The following HHAT variants were observed in gnomAD, a reference collection of about 807,000 sequenced individuals.
HHAT encodes the protein hedgehog acyltransferase.
In HHAT, 47 loss-of-function variants were observed where a neutral mutation model predicts 70.8. That is an observed-to-expected ratio of 0.66 (90% CI 0.53 to 0.85). The LOEUF is 0.85. HHAT is among the 40% of genes least tolerant of loss of function. HHAT has a pLI of 0.00. For synonymous variants in HHAT, 228 were observed against 247.6 expected (o/e 0.92, Z 0.74); for missense variants, 609 against 604.8 (o/e 1.01, Z -0.07).
At chr1:210,519,627 A>C (rs2095119791) in intron 9 of HHAT, among the ~76,000 whole-genome samples, 1 of 148,712 alleles carries the variant, frequency 6.7e-6, no homozygotes, top group Non-Finnish European at 1.5e-5. Flanking sequence ...TCCTGGACTC[A>C]AGCAATCCGC....
chr1:210,498,718 G>GC (rs748304410), intron 8 of HHAT, among the ~76,000 whole-genome samples: 6 of 151,886 alleles, frequency 4.0e-5, no homozygotes, highest in Non-Finnish European at 7.4e-5. Flanking sequence ...ATTATGAAAG[G>GC]CCAGGCACTC....
At chr1:210,405,255 G>A (rs74530460) in intron 6 of HHAT, among the ~76,000 whole-genome samples, 2,012 of 151,980 alleles carry the variant, frequency 0.013, 46 homozygotes, top group East Asian at 0.069. Context: ...TTCCTCGGAC[G>A]GCATCCTTGT....
intron 8 of HHAT, among the ~76,000 whole-genome samples, chr1:210,486,961 A>G (rs754557235): frequency 6.6e-6 from 1 of 152,198 alleles, no homozygotes; most frequent in Non-Finnish European, 1.5e-5. Flanking sequence ...AGGAGGGATA[A>G]TGAAGTCCCC....
In HHAT at chr1:210,386,534, G is replaced by A. The variant is rs374631725; in HGVS notation, c.160-934G>A. Among the ~76,000 whole-genome samples, 3 of 151,810 alleles carry A rather than the reference G, an allele frequency of 2.0e-5. No individual in the cohort carries two copies. The East Asian group carries it at 5.9e-4, about 30-fold the overall frequency. On this transcript the variant is annotated intron_variant, in intron 3 of 11. Coordinates refer to ENST00000261458, the MANE Select transcript of HHAT (RefSeq NM_018194.6). ...ATTACAGGCGTGAGCCACCGCGCCCGGCCTGCAGGAGTCCTTTTCCAGGCA... is the reference window on the plus strand; with the variant it reads ...ATTACAGGCGTGAGCCACCGCGCCCAGCCTGCAGGAGTCCTTTTCCAGGCA...
chr1:210,461,404 T>C lies in HHAT; in HGVS notation c.857-3101T>C, dbSNP rs150543743. On this transcript the variant is annotated intron_variant, in intron 7 of 11. Transcript: ENST00000261458. ...ATCTCTGCCTCCCAGGTTCAAGCGA[T>C]TCCCCTGCCTCAGCCTCCTGAGTAG... 1.6e-3 allele frequency among the ~76,000 whole-genome samples: 238 copies of C among 152,332 alleles called. 1 individual carries two copies. Among genetic ancestry groups the C allele is most frequent in the African/African-American group, 5.0e-3 (206 of 41,584 alleles).
intron 9 of HHAT, among the ~76,000 whole-genome samples, chr1:210,540,976 G>A (rs1033326991): frequency 2.0e-5 from 3 of 151,978 alleles, no homozygotes; most frequent in African/African-American, 7.3e-5. Context: ...GAGTAGCTGC[G>A]ACTACAGGCG....
intron 8 of HHAT, among the ~76,000 whole-genome samples, chr1:210,505,130 C>T (rs1159790371): frequency 6.6e-6 from 1 of 152,080 alleles, no homozygotes; most frequent in African/African-American, 2.4e-5. Context: ...AACTCCTGAC[C>T]TCAGGTGATA....
At chr1:210,620,057 G>GC (rs34513150) in intron 10 of HHAT, among the ~76,000 whole-genome samples, 18,369 of 152,176 alleles carry the variant, frequency 0.12, 1,507 homozygotes, top group South Asian at 0.18. Flanking sequence ...CATGAGGCAT[G>GC]CCTCCCACTC....
intron 9 of HHAT, among the ~76,000 whole-genome samples, chr1:210,545,979 A>G (rs535742799): frequency 2.0e-5 from 3 of 152,296 alleles, no homozygotes; most frequent in South Asian, 4.1e-4. Context: ...TCCTTTAACT[A>G]TTTGTTGAAG....
intron 5 of HHAT, among the ~76,000 whole-genome samples, chr1:210,402,568 G>A (rs1358048739): frequency 6.6e-6 from 1 of 152,180 alleles, no homozygotes; most frequent in Non-Finnish European, 1.5e-5. Flanking sequence ...ATCAGTTAGT[G>A]TCCGATACTG....
In HHAT at chr1:210,611,569, TCC is replaced by T. The variant is rs373872390; in HGVS notation, c.1246-11956_1246-11955del. Among the ~76,000 whole-genome samples the T allele has an allele frequency of 3.9e-4, 60 of 152,306 alleles. 1 individual carries two copies. In the East Asian group the frequency reaches 9.7e-3, roughly 25 times the overall value. On this transcript the variant is annotated intron_variant, in intron 10 of 11. Transcript: ENST00000261458. ...TGAATAGGAATGGTGAGAGAGAGCA[TCC>T]TTGTCTAGTGCTGGTTTTCAAGAGG...
At chr1:210,360,430 C>T (rs1417165651) in intron 2 of HHAT, among the ~76,000 whole-genome samples, 1 of 151,962 alleles carries the variant, frequency 6.6e-6, no homozygotes, top group Non-Finnish European at 1.5e-5. Flanking sequence ...CTTGCCTCAG[C>T]CTCCCGAGTA....
intron 8 of HHAT, among the ~76,000 whole-genome samples, chr1:210,467,488 T>G (rs2094130516): frequency 6.6e-6 from 1 of 152,224 alleles, no homozygotes; most frequent in Non-Finnish European, 1.5e-5. Flanking sequence ...TAATTTCTAT[T>G]AACAGCTAAC....
chr1:210,469,834 A>G (rs907364886), intron 8 of HHAT, among the ~76,000 whole-genome samples: 11 of 151,610 alleles, frequency 7.3e-5, no homozygotes, highest in African/African-American at 2.4e-4. Flanking sequence ...ATACACAGCC[A>G]ATTTTTTTTT....
At chr1:210,539,662 G>C (rs1573148670) in intron 9 of HHAT, among the ~76,000 whole-genome samples, 2 of 152,184 alleles carry the variant, frequency 1.3e-5, no homozygotes, top group Admixed American at 1.3e-4. Context: ...TCCCCAGTCT[G>C]GCAATGTGTA....
intron 10 of HHAT, among the ~76,000 whole-genome samples, chr1:210,610,748 C>G (rs1391132263): frequency 6.6e-6 from 1 of 152,110 alleles, no homozygotes; most frequent in Non-Finnish European, 1.5e-5. Context: ...CCAGTTCTCC[C>G]AGCACCATTT....
At chr1:210,404,346 TC>T in intron 5 of HHAT, 117 bp from the exon 6 acceptor site, 3 of 745,844 alleles carry the variant, frequency 4.0e-6, no homozygotes, top group Non-Finnish European at 6.7e-6. Context: ...GAAATTGCCT[TC>T]CCAGAGCCCC....
intron 5 of HHAT, among the ~76,000 whole-genome samples, chr1:210,401,112 G>A (rs975623111): frequency 6.6e-6 from 1 of 152,148 alleles, no homozygotes; most frequent in East Asian, 1.9e-4. Flanking sequence ...TGATGGAACA[G>A]ATTTATTTAT....
chr1:210,553,530 G>T (rs1024734669), intron 9 of HHAT, among the ~76,000 whole-genome samples: 4 of 152,196 alleles, frequency 2.6e-5, no homozygotes, highest in Middle Eastern at 3.2e-3. Context: ...ACCCGTCTGG[G>T]TATCGGAGTT....
Sources: gnomAD v4.1 joint callset for allele counts (sites outside exome capture counted in the v4.1 genomes callset) on GRCh38, gnomAD v4.1.1 for gene constraint, MANE v1.5 for transcripts, NCBI Gene and HGNC (gene_info 2026-07-23, HGNC 2026-07-21) for gene names.